Variants in FHAD1 observed in about 807,000 individuals in gnomAD.
FHAD1 encodes forkhead associated phosphopeptide binding domain 1.
In FHAD1, 146 loss-of-function variants were observed where a neutral mutation model predicts 191.3. The ratio of observed to expected loss-of-function variants is 0.76; its 90% confidence interval spans 0.67 to 0.88. FHAD1 has a LOEUF of 0.88. Ranked by LOEUF, FHAD1 falls within the 40% of genes least tolerant of loss-of-function variation. The pLI is 0.00. For missense variants in FHAD1, 1,635 were observed against 1,785.8 expected, an observed-to-expected ratio of 0.92 and a Z score of 1.52; for synonymous variants, 616 against 672.3, an observed-to-expected ratio of 0.92 and a Z score of 1.29.
chr1:15,268,950 T>G (rs1400222757), intron 2 of FHAD1, among the ~76,000 whole-genome samples: 1 of 152,076 alleles, frequency 6.6e-6, no homozygotes, highest in Non-Finnish European at 1.5e-5. Context: ...GTAGGTTGCC[T>G]GTTCACTCTA....
chr1:15,375,097 C>T (rs2102899150), intron 27 of FHAD1, among the ~76,000 whole-genome samples: 1 of 152,088 alleles, frequency 6.6e-6, no homozygotes, highest in South Asian at 2.1e-4. Flanking sequence ...ACCTTGTGAT[C>T]CACCCGCCTC....
intron 33 of FHAD1, among the ~76,000 whole-genome samples, chr1:15,395,206 C>A (rs770271291): frequency 6.7e-6 from 1 of 148,274 alleles, no homozygotes; most frequent in Non-Finnish European, 1.5e-5. Flanking sequence ...CCCAGGTACT[C>A]GGGAGGCTGA....
chr1:15,244,411 C>A (rs1376724770), upstream of FHAD1, among the ~76,000 whole-genome samples: 3 of 152,172 alleles, frequency 2.0e-5, no homozygotes, highest in Non-Finnish European at 2.9e-5. The surrounding 1 kb of genome is among the most constrained non-coding windows in gnomAD (Gnocchi z 5.1). Flanking sequence ...GCTGTTCCAG[C>A]TCATGGCCAG....
Position 15,374,637 on chromosome 1 carries a change from TCTC to T in FHAD1, c.3577+12_3577+14del, listed in dbSNP as rs1389467179. 1.3e-6 allele frequency: 2 copies of T among 1,550,854 alleles called. No individual in the cohort carries two copies. Among genetic ancestry groups the T allele is most frequent in the African/African-American group, 1.4e-5 (1 of 72,992 alleles). On this transcript the variant is annotated splice_region_variant and intron_variant, in intron 27 of 33. Transcript: ENST00000688493. ...CGAGAAGGCGCGCTCACCAGGTAAG[TCTC>T]CTCCTTCCTAGTCAGAGCAGTGGAC...
chr1:15,374,553 G>C lies in FHAD1; in HGVS notation c.3499G>C (p.Glu1167Gln), dbSNP rs1309479851. ...CAGGTGCAAAGGGTCCCGGCACGAG[G>C]AGGTCATTCAGCGTCAGAAAAAGGC... ...GVRCKGSRHE[E>Q]VIQRQKKALS... The change falls in exon 27 of 34, where the codon GAG (glutamate) becomes CAG (glutamine). Residue 1167 changes from glutamate (E) to glutamine (Q), a missense_variant. Glu to Gln is a conservative substitution (Grantham distance 29, BLOSUM62 2). Transcript: ENST00000688493. The C allele has an allele frequency of 5.2e-6, 8 of 1,551,648 alleles. No homozygotes were observed. Among genetic ancestry groups the C allele is most frequent in the Middle Eastern group, 1.7e-4 (1 of 6,014 alleles).
chr1:15,392,255 A>G (rs531845703), intron 33 of FHAD1, among the ~76,000 whole-genome samples: 3 of 152,192 alleles, frequency 2.0e-5, no homozygotes, highest in South Asian at 2.1e-4. Context: ...CCTCCAGGCC[A>G]GGCGTGGTGG....
chr1:15,349,845 A>G (rs1690199363), intron 19 of FHAD1, among the ~76,000 whole-genome samples: 2 of 152,086 alleles, frequency 1.3e-5, no homozygotes, highest in African/African-American at 2.4e-5. Flanking sequence ...ACCCACCCCA[A>G]TGCCACCAAC....
chr1:15,353,804 G>T (rs1333722601), intron 20 of FHAD1, among the ~76,000 whole-genome samples: 1 of 150,454 alleles, frequency 6.6e-6, no homozygotes. Flanking sequence ...AGTTTTCCCA[G>T]CAGAGTTTGT....
chr1:15,356,792 A>C lies in FHAD1; in HGVS notation c.2563-1318A>C, dbSNP rs11581763. Among the ~76,000 whole-genome samples, 670 of 151,966 alleles carry C rather than the reference A, an allele frequency of 4.4e-3. 7 individuals are homozygous for C. The highest frequency in any genetic ancestry group is 0.016 in the African/African-American group (648 of 41,410). On this transcript the variant is annotated intron_variant, in intron 20 of 33. Transcript: ENST00000688493. ...GAGGCTGAGGCAGGAGAATCACTTG[A>C]ACCTGGGTGGCAGAGGTTTCAGTGA... is the stretch of plus-strand genomic sequence containing the variant.
intron 14 of FHAD1, among the ~76,000 whole-genome samples, chr1:15,332,384 T>G (rs148000208): frequency 6.2e-4 from 95 of 152,320 alleles, no homozygotes; most frequent in Middle Eastern, 6.8e-3. Context: ...AGACTAAGTC[T>G]ATAAATCTAG....
At chr1:15,245,606 AC>A (rs574436644), upstream of FHAD1, among the ~76,000 whole-genome samples, 1 of 152,304 alleles carries the variant, frequency 6.6e-6, no homozygotes, top group South Asian at 2.1e-4. Flanking sequence ...TGAAGCCATC[AC>A]TTGGGTCCCA....
intron 10 of FHAD1, among the ~76,000 whole-genome samples, chr1:15,321,636 T>C (rs1676297530): frequency 6.6e-6 from 1 of 152,264 alleles, no homozygotes; most frequent in Non-Finnish European, 1.5e-5. Context: ...TTTTCTACAT[T>C]TCTGATCATC....
intron 2 of FHAD1, 63 bp downstream of exon 2, chr1:15,251,940 G>C: frequency 7.4e-7 from 1 of 1,354,382 alleles, no homozygotes; most frequent in South Asian, 1.3e-5. Context: ...CTCTCTAACA[G>C]TCCTTAGCGT....
intron 1 of FHAD1, among the ~76,000 whole-genome samples, chr1:15,249,248 C>G (rs1399869843): frequency 6.6e-6 from 1 of 150,968 alleles, no homozygotes; most frequent in African/African-American, 2.4e-5. Context: ...GGTCAGGTAG[C>G]TACCGCAAGG....
chr1:15,378,553 G>A (rs780246771), intron 28 of FHAD1, among the ~76,000 whole-genome samples: 9 of 152,220 alleles, frequency 5.9e-5, no homozygotes, highest in Admixed American at 1.3e-4. Context: ...AGAGGATGCA[G>A]TTGAGGGAGC....
At chr1:15,299,011 AAAAAACAAAAAC>A (rs1478269580) in intron 5 of FHAD1, among the ~76,000 whole-genome samples, 29 of 149,570 alleles carry the variant, frequency 1.9e-4, no homozygotes, top group African/African-American at 6.8e-4. Context: ...TCTGCAAAAA[AAAAAACAAAAAC>A]AAAAAACAAA....
intron 33 of FHAD1, among the ~76,000 whole-genome samples, chr1:15,395,860 T>C (rs1705776523): frequency 6.6e-6 from 1 of 152,196 alleles, no homozygotes; most frequent in South Asian, 2.1e-4. Flanking sequence ...CCAAGACTAT[T>C]CTTCTTCCAG....
intron 15 of FHAD1, among the ~76,000 whole-genome samples, chr1:15,339,924 C>T (rs1685844044): frequency 6.6e-6 from 1 of 152,066 alleles, no homozygotes; most frequent in Non-Finnish European, 1.5e-5. Flanking sequence ...CTCCCGGGTT[C>T]AAGTGATTCT....
intron 4 of FHAD1, among the ~76,000 whole-genome samples, chr1:15,293,632 C>T (rs980001818): frequency 5.9e-5 from 9 of 152,288 alleles, no homozygotes; most frequent in Admixed American, 1.3e-4. Flanking sequence ...GCAGGAGAAT[C>T]GCTTGAACCC....
Sources: gnomAD v4.1 joint callset for allele counts (sites outside exome capture counted in the v4.1 genomes callset) on GRCh38, gnomAD v4.1.1 for gene constraint, Gnocchi (gnomAD v3.1) non-coding constraint, MANE v1.5 for transcripts, NCBI Gene and HGNC (gene_info 2026-07-23, HGNC 2026-07-21) for gene names.